The following CLCA2 variants were observed in gnomAD, a reference collection of about 807,000 sequenced individuals.
The protein encoded by CLCA2 is chloride channel accessory 2, also known as calcium-activated chloride channel regulator 2.
Under a neutral mutation model 82.9 loss-of-function variants are expected in CLCA2, and 85 were observed. That is an observed-to-expected ratio of 1.03 (90% CI 0.86 to 1.23). CLCA2 has a LOEUF of 1.23. Ranked by LOEUF, CLCA2 falls within the 50% of genes most tolerant of loss-of-function variation. The probability of loss-of-function intolerance (pLI) is 0.00; values close to 1 mark genes in which losing one functional copy is unlikely to be tolerated. For missense variants in CLCA2, 1,089 were observed against 1,124.8 expected (o/e 0.97, Z 0.45); for synonymous variants, 421 against 391.7 (o/e 1.07, Z -0.88).
chr1:86,440,900 C>A (rs1465494175), intron 8 of CLCA2, among the ~76,000 whole-genome samples: 1 of 151,718 alleles, frequency 6.6e-6, no homozygotes, highest in African/African-American at 2.4e-5. Flanking sequence ...GACCCCATCT[C>A]AAAAAAGAAA....
At chr1:86,441,951 T>C (rs143149601) in intron 9 of CLCA2, among the ~76,000 whole-genome samples, 21 of 152,396 alleles carry the variant, frequency 1.4e-4, no homozygotes, top group African/African-American at 5.0e-4. Flanking sequence ...GGGTATCAAC[T>C]ATTTCATTAA....
At chr1:86,437,881 A>G (rs926939838) in intron 6 of CLCA2, among the ~76,000 whole-genome samples, 3 of 151,368 alleles carry the variant, frequency 2.0e-5, no homozygotes, top group Non-Finnish European at 2.9e-5. Flanking sequence ...CATTTTGCAG[A>G]TGAGAAAACT....
At chr1:86,424,528 G>C (rs1570249316) in intron 1 of CLCA2, 95 bp downstream of exon 1, 1 of 1,035,778 alleles carries the variant, frequency 9.7e-7, no homozygotes, top group Non-Finnish European at 1.4e-6. Flanking sequence ...TTGTATTTGA[G>C]TAATACAGAG....
chr1:86,437,424 GA>G (rs1662636442), intron 6 of CLCA2, among the ~76,000 whole-genome samples: 2 of 152,162 alleles, frequency 1.3e-5, no homozygotes. Context: ...CGCTGTAGAA[GA>G]AAGTGGTCAA....
chr1:86,439,100 A>T lies in CLCA2; in HGVS notation c.1197A>T (p.Gly399=). ...GCATTTGTTCAGGGCTTAAGAAAGG[A>T]TTTGAGGTACAGTAGAGCATCCTAA... ...DISICSGLKK[G]FEVVEKLNGK... is the part of the protein sequence containing the mutation. The change falls in exon 7 of 14, where the codon GGA becomes GGT. Residue 399 remains glycine, a synonymous_variant. Transcript: ENST00000370565. 6.2e-7 allele frequency: 1 copy of T among 1,613,704 alleles called. No individual in the cohort carries two copies. The highest frequency in any genetic ancestry group is 8.5e-7 in the Non-Finnish European group (1 of 1,179,664).
chr1:86,445,818 C>T (rs1662841446), intron 10 of CLCA2, among the ~76,000 whole-genome samples: 1 of 151,912 alleles, frequency 6.6e-6, no homozygotes, highest in African/African-American at 2.4e-5. Flanking sequence ...AAAATACTAC[C>T]CTCACAGACG....
At chr1:86,448,526 C>T (rs561059706) in intron 11 of CLCA2, 3 of 152,364 alleles carry the variant, frequency 2.0e-5, no homozygotes, top group African/African-American at 7.2e-5. Flanking sequence ...TTCCATCTTT[C>T]CTATTTGGTT....
chr1:86,441,401 C>A, intron 8 of CLCA2, 36 bp from the exon 9 acceptor site: 1 of 1,199,264 alleles, frequency 8.3e-7, no homozygotes, highest in South Asian at 1.4e-5. Flanking sequence ...TTATTTTACC[C>A]ATTTTAATAG....
At chr1:86,451,974 G>A (rs1439148520) in intron 12 of CLCA2, among the ~76,000 whole-genome samples, 1 of 151,860 alleles carries the variant, frequency 6.6e-6, no homozygotes, top group Non-Finnish European at 1.5e-5. Flanking sequence ...ATCTATCTGT[G>A]TATAACCTCC....
At position 86,455,976 on chromosome 1, in the gene CLCA2, T is replaced by C. The variant is rs55719851; in HGVS notation, c.*449T>C. On this transcript the variant is annotated 3_prime_UTR_variant, in exon 14 of 14. Coordinates refer to ENST00000370565, the MANE Select transcript of CLCA2 (RefSeq NM_006536.7). The stretch of plus-strand genomic sequence containing the variant: ...TACAACTGAAGATCATGCTATATTT[T>C]ATATATGAAGCCCCTAATGCAAAGC... 5,019 of 152,394 alleles carry C rather than the reference T, an allele frequency of 0.033. 260 individuals are homozygous for C. The highest frequency in any genetic ancestry group is 0.11 in the African/African-American group (4,524 of 41,568). 9.4% of individuals were successfully genotyped at this position (152,394 alleles called of 1,614,324 possible).
Position 86,438,965 on chromosome 1 carries a change from C to T in CLCA2, c.1062C>T (p.Phe354=), listed in dbSNP as rs548658688. The T allele has an allele frequency of 2.4e-5, 39 of 1,614,060 alleles. No individual in the cohort carries two copies. Among genetic ancestry groups the T allele is most frequent in the African/African-American group, 1.7e-4 (13 of 75,028 alleles). Residue 354 remains phenylalanine, a synonymous_variant, in exon 7 of 14, where the codon TTC becomes TTT. Coordinates refer to ENST00000370565, the MANE Select transcript of CLCA2 (RefSeq NM_006536.7). ...ATACCTTCGTGGGCATTGCCAGTTT[C>T]GACAGCAAAGGAGAGATCAGAGCCC... is the stretch of plus-strand genomic sequence containing the variant. ...EIHTFVGIAS[F]DSKGEIRAQL... is the part of the protein sequence containing the mutation.
rs775030604 is a variant in CLCA2 at position 86,428,455 on chromosome 1, G to T, written c.362G>T (p.Gly121Val). Residue 121 changes from glycine (G) to valine (V), a missense_variant, in exon 3 of 14, where the codon GGA (glycine) becomes GTA (valine). Transcript: ENST00000370565. The stretch of plus-strand genomic sequence containing the variant: ...GTGACTGACTGGTATGGGGCACATG[G>T]AGATGATCCATACACCCTACAATAC... ...VIVTDWYGAH[G>V]DDPYTLQYRG... 1 of 1,612,262 alleles carries T rather than the reference G, an allele frequency of 6.2e-7. No individual in the cohort carries two copies. Among genetic ancestry groups the T allele is most frequent in the African/African-American group, 1.3e-5 (1 of 74,940 alleles).
At chr1:86,424,475 T>C in intron 1 of CLCA2, 42 bp downstream of exon 1, 7 of 1,549,862 alleles carry the variant, frequency 4.5e-6, no homozygotes, top group Non-Finnish European at 6.2e-6. Context: ...TCCCATTTGA[T>C]CAGACCTGTA....
intron 2 of CLCA2, among the ~76,000 whole-genome samples, chr1:86,427,573 C>CACAA (rs1553183599): frequency 2.7e-5 from 4 of 150,406 alleles, no homozygotes; most frequent in Non-Finnish European, 5.9e-5. Flanking sequence ...CACACACACA[C>CACAA]AAAACACATA....
chr1:86,428,286 T>C lies in CLCA2; in HGVS notation c.325-132T>C, dbSNP rs902201521. 11 of 794,664 alleles carry C rather than the reference T, an allele frequency of 1.4e-5. No homozygotes were observed. The African/African-American group carries it at 2.0e-4, about 14-fold the overall frequency. 49.2% of individuals were successfully genotyped at this position (794,664 alleles called of 1,614,324 possible). ...GTTTTTCTTCAATTTTGTTTTTAAATTGGGTTATAATTACATACAATAAAA... is the reference window on the plus strand; with the variant it reads ...GTTTTTCTTCAATTTTGTTTTTAAACTGGGTTATAATTACATACAATAAAA... On this transcript the variant is annotated intron_variant, in intron 2 of 13. Coordinates refer to ENST00000370565, the MANE Select transcript of CLCA2 (RefSeq NM_006536.7).
At chr1:86,433,070 C>T (rs1931361) in intron 5 of CLCA2, among the ~76,000 whole-genome samples, 42,491 of 151,864 alleles carry the variant, frequency 0.28, 6,452 homozygotes, top group Non-Finnish European at 0.34. Flanking sequence ...ATTTTTTAAA[C>T]TATTAATTAA....
chr1:86,442,657 A>G (rs560210514), intron 9 of CLCA2, among the ~76,000 whole-genome samples: 1 of 151,858 alleles, frequency 6.6e-6, no homozygotes, highest in East Asian at 1.9e-4. Context: ...ATATAATTTT[A>G]CACGCTTTGC....
intron 11 of CLCA2, among the ~76,000 whole-genome samples, chr1:86,449,133 C>T (rs368539886): frequency 1.3e-5 from 2 of 152,334 alleles, no homozygotes; most frequent in African/African-American, 4.8e-5. Context: ...TTGTTTAATA[C>T]TTTTATAATG....
intron 6 of CLCA2, among the ~76,000 whole-genome samples, chr1:86,435,057 G>A (rs1662577628): frequency 6.6e-6 from 1 of 152,148 alleles, no homozygotes; most frequent in Admixed American, 6.5e-5. Context: ...AGTCTTCCAA[G>A]TAGCTGGGAC....
Sources: gnomAD v4.1 joint callset for allele counts (sites outside exome capture counted in the v4.1 genomes callset) on GRCh38, gnomAD v4.1.1 for gene constraint, MANE v1.5 for transcripts, NCBI Gene and HGNC (gene_info 2026-07-23, HGNC 2026-07-21) for gene names.